CXXC4: variants seen among roughly 807,000 people sequenced by gnomAD.
CXXC4 encodes the protein CXXC-type zinc finger protein 4.
A neutral mutation model predicts 20.5 loss-of-function variants in CXXC4; 5 were observed. The observed-to-expected ratio is 0.24, with a 90% CI of 0.13 to 0.51. The LOEUF is 0.51. CXXC4 is among the 20% of genes least tolerant of loss of function. CXXC4 has a pLI of 0.97. For missense variants in CXXC4, 419 were observed against 496.4 expected, an observed-to-expected ratio of 0.84 and a Z score of 1.48; for synonymous variants, 250 against 216.4, an observed-to-expected ratio of 1.16 and a Z score of -1.36.
In CXXC4 at chr4:104,471,608, T is replaced by G. The variant is rs1399470672; in HGVS notation, c.*714A>C. 1 of 152,048 alleles carries G rather than the reference T, an allele frequency of 6.6e-6. No homozygotes were observed. Among genetic ancestry groups the G allele is most frequent in the Non-Finnish European group, 1.5e-5 (1 of 67,972 alleles). 9.4% of individuals were successfully genotyped at this position (152,048 alleles called of 1,614,324 possible). A position where few individuals can be genotyped will look rare whatever the true frequency, so the allele number is the denominator to read the frequency against. On this transcript the variant is annotated 3_prime_UTR_variant, in exon 3 of 3. Transcript: ENST00000394767. ...GTGCATAACCACTACTCTAATATAG[T>G]GCTCAAAAGATTAATTGAAACTTTC... is the stretch of plus-strand genomic sequence containing the variant.
In CXXC4 at chr4:104,472,312, T is replaced by C. The variant is rs1736296669; in HGVS notation, c.*10A>G. On this transcript the variant is annotated 3_prime_UTR_variant, in exon 3 of 3. Transcript: ENST00000394767. ...TTCCAAATGCCTTGAAAATAAGATA[T>C]ACTACTGCTTTAAAAGAACCATCGG... 1.9e-6 allele frequency: 3 copies of C among 1,590,272 alleles called. No individual in the cohort carries two copies. The highest frequency in any genetic ancestry group is 1.7e-4 in the Middle Eastern group (1 of 6,002).
intron 2 of CXXC4, among the ~76,000 whole-genome samples, chr4:104,485,764 T>G (rs1005880493): frequency 8.5e-5 from 13 of 152,140 alleles, no homozygotes; most frequent in African/African-American, 3.1e-4. Context: ...AAATGCCTGT[T>G]CTTTTTGCAT....
chr4:104,483,245 T>A (rs1736599744), intron 2 of CXXC4, among the ~76,000 whole-genome samples: 2 of 152,106 alleles, frequency 1.3e-5, no homozygotes, highest in African/African-American at 4.8e-5. Context: ...TCTTTCTTTT[T>A]AAAAAATATT....
In CXXC4 at chr4:104,491,569, G is replaced by A. The variant is rs1202504613; in HGVS notation, c.234C>T (p.Ala78=). 19 of 1,471,140 alleles carry A rather than the reference G, an allele frequency of 1.3e-5. No homozygotes were observed. Among genetic ancestry groups the A allele is most frequent in the Admixed American group, 2.3e-5 (1 of 43,208 alleles). 91.1% of individuals were successfully genotyped at this position (1,471,140 alleles called of 1,614,324 possible). Residue 78 remains alanine (A), a synonymous_variant, in exon 2 of 3, where the codon GCC becomes GCT. Coordinates refer to ENST00000394767, the MANE Select transcript of CXXC4 (RefSeq NM_025212.4). ...ACATGCCGATGCGCGCGGCGGCCGC[G>A]GCGGCGGCGGCGCTGCTGGGGAAGA... ...TPIFPSSAAA[A]AAAARIGMSP...
chr4:104,490,644 A>AG, intron 2 of CXXC4, 100 bp downstream of exon 2: 1 of 1,084,552 alleles, frequency 9.2e-7, no homozygotes, highest in Non-Finnish European at 1.3e-6. Flanking sequence ...GCTTCTGAGA[A>AG]GGGGTACTGC....
chr4:104,473,891 T>C (rs1476883118), intron 2 of CXXC4, among the ~76,000 whole-genome samples: 1 of 151,996 alleles, frequency 6.6e-6, no homozygotes, highest in Non-Finnish European at 1.5e-5. Context: ...CTCACACGTG[T>C]TATTTGGTGG....
rs78372380 is a variant in CXXC4, at chr4:104,487,571, G to A, written c.1059+3173C>T. 1.2e-3 allele frequency among the ~76,000 whole-genome samples: 177 copies of A among 152,270 alleles called. 1 individual carries two copies. Among genetic ancestry groups the A allele is most frequent in the African/African-American group, 3.8e-3 (160 of 41,564 alleles). On this transcript the variant is annotated intron_variant, in intron 2 of 2. Coordinates refer to ENST00000394767, the MANE Select transcript of CXXC4 (RefSeq NM_025212.4). ...AACTTATCATAAGGATCTCCTATAT[G>A]ATCACGTTTATTAAAACATCAAGGA... is the stretch of plus-strand genomic sequence containing the variant.
rs192990958 is a variant in CXXC4, at chr4:104,474,580, C to T, written c.1060-2214G>A. Among the ~76,000 whole-genome samples, 662 of 151,972 alleles carry T rather than the reference C, an allele frequency of 4.4e-3. 5 individuals are homozygous for T. Among genetic ancestry groups the T allele is most frequent in the African/African-American group, 0.015 (615 of 41,508 alleles). ...CTTATATAAATGTAGTCACTTCTAA[C>T]GAGATAAGTTAGATCCAAGCATATT... On this transcript the variant is annotated intron_variant, in intron 2 of 2. Transcript: ENST00000394767.
intron 1 of CXXC4, 42 bp downstream of exon 1, chr4:104,494,659 G>GT (rs1491517103): frequency 2.0e-4 from 2 of 10,110 alleles, no homozygotes; most frequent in Admixed American, 5.2e-3. Flanking sequence ...ACAAACTGTT[G>GT]GGGGGGGGGG....
In CXXC4 at chr4:104,491,566, C is replaced by CGCG. The variant is rs765810663; in HGVS notation, c.234_236dup (p.Ala82dup). 311 of 1,508,938 alleles carry CGCG rather than the reference C, an allele frequency of 2.1e-4. No homozygotes were observed. The African/African-American group carries it at 2.3e-3, about 11-fold the overall frequency. The allele number at this position is 1,508,938 out of a possible 1,614,324, so 93.5% of individuals were successfully genotyped here. A position where few individuals can be genotyped will look rare whatever the true frequency, so the allele number is the denominator to read the frequency against. ...GGGACATGCCGATGCGCGCGGCGGC[C>CGCG]GCGGCGGCGGCGGCGCTGCTGGGGA... On this transcript the variant is annotated inframe_insertion, in exon 2 of 3. Coordinates refer to ENST00000394767, the MANE Select transcript of CXXC4 (RefSeq NM_025212.4).
At position 104,491,746 on chromosome 4, in the gene CXXC4, G is replaced by T; in HGVS notation, c.57C>A (p.Pro19=). The T allele has an allele frequency of 6.5e-7, 1 of 1,538,736 alleles. No individual in the cohort carries two copies. Among genetic ancestry groups the T allele is most frequent in the Non-Finnish European group, 8.8e-7 (1 of 1,141,582 alleles). ...PGPSPEAPGL[P]KESHLPEGAL... ...CCCCCTCGGGCAAGTGGCTTTCCTT[G>T]GGCAAGCCCGGGGCCTCCGGGCTCG... The change falls in exon 2 of 3, where the codon CCC becomes CCA. Residue 19 remains proline, a synonymous_variant. Transcript: ENST00000394767.
At chr4:104,481,009 G>A (rs1354297703) in intron 2 of CXXC4, among the ~76,000 whole-genome samples, 1 of 151,860 alleles carries the variant, frequency 6.6e-6, no homozygotes, top group Non-Finnish European at 1.5e-5. Context: ...TGTAAAATAT[G>A]CCTTGAAATA....
chr4:104,484,326 C>T lies in CXXC4; in HGVS notation c.1059+6418G>A, dbSNP rs530935859. Among the ~76,000 whole-genome samples the T allele has an allele frequency of 6.6e-5, 10 of 152,114 alleles. No individual in the cohort carries two copies. The East Asian group carries it at 1.7e-3, about 26-fold the overall frequency. On this transcript the variant is annotated intron_variant, in intron 2 of 2. Coordinates refer to ENST00000394767, the MANE Select transcript of CXXC4 (RefSeq NM_025212.4). ...CTAACATTGTTCAACTATTAAGTTA[C>T]TTGATACTAGTGGCTCTTTTCACAA...
intron 2 of CXXC4, among the ~76,000 whole-genome samples, chr4:104,473,057 AAT>A (rs57960186): frequency 8.7e-5 from 13 of 149,860 alleles, no homozygotes; most frequent in Non-Finnish European, 6.0e-5. Context: ...TAGAAATCAC[AAT>A]ATATATATAT....
chr4:104,487,809 G>A (rs1003958643), intron 2 of CXXC4, among the ~76,000 whole-genome samples: 1 of 152,096 alleles, frequency 6.6e-6, no homozygotes, highest in Admixed American at 6.5e-5. Context: ...ATATGATCAA[G>A]GGGTGATTTT....
chr4:104,480,370 C>A (rs1736521255), intron 2 of CXXC4, among the ~76,000 whole-genome samples: 1 of 152,044 alleles, frequency 6.6e-6, no homozygotes, highest in African/African-American at 2.4e-5. Context: ...TCTGTATTTT[C>A]TCAGAAATTC....
intron 2 of CXXC4, among the ~76,000 whole-genome samples, chr4:104,473,057 A>T (rs189830791): frequency 0.015 from 2,319 of 150,016 alleles, 54 homozygotes; most frequent in African/African-American, 0.051. Flanking sequence ...TAGAAATCAC[A>T]ATATATATAT....
rs1736206429 is a variant in CXXC4 at position 104,469,435 on chromosome 4, T to G, written c.*2887A>C. The G allele has an allele frequency of 6.6e-6, 1 of 152,106 alleles. No homozygotes were observed. The highest frequency in any genetic ancestry group is 1.5e-5 in the Non-Finnish European group (1 of 67,992). 9.4% of individuals were successfully genotyped at this position (152,106 alleles called of 1,614,324 possible). A position where few individuals can be genotyped will look rare whatever the true frequency, so the allele number is the denominator to read the frequency against. Reference sequence around the variant, plus strand: ...TTTATTCAGTTTATCTGATATATAATTATTAAGTTGTGTATAGCTGTCCAC... The same window carrying G: ...TTTATTCAGTTTATCTGATATATAAGTATTAAGTTGTGTATAGCTGTCCAC... On this transcript the variant is annotated 3_prime_UTR_variant, in exon 3 of 3. Coordinates refer to ENST00000394767, the MANE Select transcript of CXXC4 (RefSeq NM_025212.4).
rs1182884830 is a variant in CXXC4 at position 104,491,452 on chromosome 4, ACCCCCCCCGCCGCCG to A, written c.336_350del (p.Gly130_Gly134del). The A allele has an allele frequency of 6.8e-5, 54 of 789,656 alleles. No homozygotes were observed. The South Asian group carries it at 1.2e-3, about 17-fold the overall frequency. The allele number at this position is 789,656 out of a possible 1,614,324, so 48.9% of individuals were successfully genotyped here. A position where few individuals can be genotyped will look rare whatever the true frequency, so the allele number is the denominator to read the frequency against. ...CTCCGCCGCCGCCGCCGCCGCCGCC[ACCCCCCCCGCCGCCG>A]CCCCCGCCCCCGCCGCTGCCCCAGA... On this transcript the variant is annotated inframe_deletion, in exon 2 of 3. Coordinates refer to ENST00000394767, the MANE Select transcript of CXXC4 (RefSeq NM_025212.4).
Sources: gnomAD v4.1 joint callset for allele counts (sites outside exome capture counted in the v4.1 genomes callset) on GRCh38, gnomAD v4.1.1 for gene constraint, MANE v1.5 for transcripts, NCBI Gene and HGNC (gene_info 2026-07-23, HGNC 2026-07-21) for gene names.